Variants in BRK1 observed in about 807,000 individuals in gnomAD.
The protein encoded by BRK1 is BRICK1 subunit of SCAR/WAVE actin nucleating complex.
In BRK1, 6 loss-of-function variants were observed where a neutral mutation model predicts 9.9. That is an observed-to-expected ratio of 0.60 (90% CI 0.33 to 1.19). The LOEUF is 1.19. Ranked by LOEUF, BRK1 falls within the 50% of genes most tolerant of loss-of-function variation. The probability of loss-of-function intolerance (pLI) is 0.04; values close to 1 mark genes in which losing one functional copy is unlikely to be tolerated. For missense variants in BRK1, 62 were observed against 97.5 expected, an observed-to-expected ratio of 0.64 and a Z score of 1.53; for synonymous variants, 44 against 31.9, an observed-to-expected ratio of 1.38 and a Z score of -1.28.
intron 1 of BRK1, among the ~76,000 whole-genome samples, chr3:10,121,882 CTTTTTTTTTTT>C (rs911888155): frequency 6.1e-4 from 54 of 88,140 alleles, no homozygotes; most frequent in African/African-American, 2.3e-3. Context: ...CACCCGGCCA[CTTTTTTTTTTT>C]TTTTTTTTTT....
chr3:10,125,572 C>A, intron 1 of BRK1, 54 bp from the exon 2 acceptor site: 2 of 1,062,052 alleles, frequency 1.9e-6, no homozygotes, highest in South Asian at 2.7e-5. Context: ...TTGTGTGTGT[C>A]TGTGTCTGTG....
intron 1 of BRK1, among the ~76,000 whole-genome samples, chr3:10,118,998 T>A (rs1559418938): frequency 6.8e-6 from 1 of 146,982 alleles, no homozygotes; most frequent in African/African-American, 2.6e-5. Context: ...TCCTAATGGT[T>A]TTTTTTGTTT....
At chr3:10,122,265 G>A (rs965026511) in intron 1 of BRK1, among the ~76,000 whole-genome samples, 3 of 151,892 alleles carry the variant, frequency 2.0e-5, no homozygotes, top group African/African-American at 4.8e-5. Flanking sequence ...TCATTAATAC[G>A]CTATATCAAA....
At chr3:10,118,320 C>T (rs932494271) in intron 1 of BRK1, among the ~76,000 whole-genome samples, 19 of 151,270 alleles carry the variant, frequency 1.3e-4, no homozygotes, top group Middle Eastern at 3.4e-3. Flanking sequence ...CCACCGGCTG[C>T]GAAACTGGAT....
intron 2 of BRK1, 123 bp from the exon 3 acceptor site, chr3:10,126,146 C>A: frequency 1.5e-6 from 1 of 655,350 alleles, no homozygotes; most frequent in Non-Finnish European, 2.5e-6. Flanking sequence ...AACCATGTTT[C>A]TGTGACTTCA....
intron 1 of BRK1, among the ~76,000 whole-genome samples, chr3:10,124,992 C>A (rs1042851283): frequency 5.9e-5 from 9 of 152,118 alleles, no homozygotes; most frequent in South Asian, 2.1e-4. Context: ...AGATTGGGCC[C>A]AAATGGACAA....
chr3:10,118,252 C>CAAAA lies in BRK1; in HGVS notation c.118+2448_118+2451dup, dbSNP rs59622736. Among the ~76,000 whole-genome samples, 212 of 67,480 alleles carry CAAAA rather than the reference C, an allele frequency of 3.1e-3. 1 individual carries two copies. The highest frequency in any genetic ancestry group is 0.01 in the African/African-American group (197 of 19,186). The allele number at this position is 67,480 out of a possible 152,430, so 44.3% of individuals were successfully genotyped here. On this transcript the variant is annotated intron_variant, in intron 1 of 2. Coordinates refer to ENST00000530758, the MANE Select transcript of BRK1 (RefSeq NM_018462.5). ...TGGGCAAAAGACGAGACTCTGTCTC[C>CAAAA]AAAAAAAAAAAAAAAAAAGATTGAC...
intron 1 of BRK1, among the ~76,000 whole-genome samples, chr3:10,117,512 G>A (rs540085995): frequency 3.4e-5 from 5 of 146,312 alleles, no homozygotes; most frequent in South Asian, 2.2e-4. Context: ...TCATGCCCCC[G>A]CCTCCTGAGT....
Position 10,125,615 on chromosome 3 carries a change from CTT to C in BRK1, c.119-7_119-6del, listed in dbSNP as rs1356566830. 1.3e-6 allele frequency: 2 copies of C among 1,594,524 alleles called. No individual in the cohort carries two copies. The highest frequency in any genetic ancestry group is 2.2e-5 in the East Asian group (1 of 44,712). ...TGACATTAATCCTGAACACCAGTCT[CTT>C]TTTCTCAGATATGTCTTGTCGTTCA... is the stretch of plus-strand genomic sequence containing the variant. On this transcript the variant is annotated splice_polypyrimidine_tract_variant and intron_variant, in intron 1 of 2. Coordinates refer to ENST00000530758, the MANE Select transcript of BRK1 (RefSeq NM_018462.5).
At chr3:10,120,085 A>G (rs1448542659) in intron 1 of BRK1, among the ~76,000 whole-genome samples, 2 of 152,122 alleles carry the variant, frequency 1.3e-5, no homozygotes, top group East Asian at 3.9e-4. Context: ...GCTGGAGTGC[A>G]GTGGTGCAAT....
At position 10,119,213 on chromosome 3, in the gene BRK1, T is replaced by A. The variant is rs374687933; in HGVS notation, c.118+3394T>A. Among the ~76,000 whole-genome samples, 5 of 151,720 alleles carry A rather than the reference T, an allele frequency of 3.3e-5. No individual in the cohort carries two copies. In the South Asian group the frequency reaches 8.3e-4, roughly 25 times the overall value. On this transcript the variant is annotated intron_variant, in intron 1 of 2. Coordinates refer to ENST00000530758, the MANE Select transcript of BRK1 (RefSeq NM_018462.5). ...GGCTCATGCCTATAATCCCAGCACTTTGGGAGGCCGAGGCAGGTGAATCAC... is the reference window on the plus strand; with the variant it reads ...GGCTCATGCCTATAATCCCAGCACTATGGGAGGCCGAGGCAGGTGAATCAC...
chr3:10,119,320 G>A (rs1695727510), intron 1 of BRK1, among the ~76,000 whole-genome samples: 1 of 151,986 alleles, frequency 6.6e-6, no homozygotes, highest in Non-Finnish European at 1.5e-5. Context: ...AGCCAGGCAT[G>A]GTGTCTCATG....
chr3:10,125,645 A>G lies in BRK1; in HGVS notation c.138A>G (p.Arg46=). 27 of 1,612,166 alleles carry G rather than the reference A, an allele frequency of 1.7e-5. No individual in the cohort carries two copies. The highest frequency in any genetic ancestry group is 2.3e-5 in the Non-Finnish European group (27 of 1,179,006). Residue 46 remains arginine (R), a synonymous_variant, in exon 2 of 3, where the codon AGA becomes AGG. Coordinates refer to ENST00000530758, the MANE Select transcript of BRK1 (RefSeq NM_018462.5). ...TCTCAGATATGTCTTGTCGTTCAAG[A>G]CTTGCAACACTAAACGAGAAATTGA... ...LNSFDMSCRS[R]LATLNEKLTA...
rs1695848417 is a variant in BRK1, at chr3:10,126,866, C to A, written c.*571C>A. 1 of 152,960 alleles carries A rather than the reference C, an allele frequency of 6.5e-6. No homozygotes were observed. The highest frequency in any genetic ancestry group is 2.4e-5 in the African/African-American group (1 of 41,472). 9.5% of individuals were successfully genotyped at this position (152,960 alleles called of 1,614,324 possible). A position where few individuals can be genotyped will look rare whatever the true frequency, so the allele number is the denominator to read the frequency against. ...GACATTTTCAGACTTTTCTTTCTGT[C>A]ACTTGGAGTGTCTATGCCTCTCATA... On this transcript the variant is annotated 3_prime_UTR_variant, in exon 3 of 3. Coordinates refer to ENST00000530758, the MANE Select transcript of BRK1 (RefSeq NM_018462.5).
intron 1 of BRK1, among the ~76,000 whole-genome samples, chr3:10,121,845 T>C (rs1695759786): frequency 6.6e-6 from 1 of 150,776 alleles, no homozygotes; most frequent in African/African-American, 2.4e-5. Flanking sequence ...CTTCCCAAAG[T>C]GCTGGGATTA....
intron 2 of BRK1, 127 bp downstream of exon 2, chr3:10,125,835 A>G: frequency 1.5e-6 from 1 of 658,126 alleles, no homozygotes. Flanking sequence ...TCACGCCTGT[A>G]ATCCCAGCAC....
chr3:10,126,424 C>A lies in BRK1; in HGVS notation c.*129C>A. ...GGGCTTATTCTTGTTTTTCTTTTTTCAAAAGTGTGGCCTTTGGGCTCTGCC... is the reference window on the plus strand; with the variant it reads ...GGGCTTATTCTTGTTTTTCTTTTTTAAAAAGTGTGGCCTTTGGGCTCTGCC... On this transcript the variant is annotated 3_prime_UTR_variant, in exon 3 of 3. Transcript: ENST00000530758. 1.1e-6 allele frequency: 1 copy of A among 884,934 alleles called. No homozygotes were observed. Among genetic ancestry groups the A allele is most frequent in the African/African-American group, 1.7e-5 (1 of 58,794 alleles). The allele number at this position is 884,934 out of a possible 1,614,324, so 54.8% of individuals were successfully genotyped here.
rs551149601 is a variant in BRK1, at chr3:10,116,504, A to G, written c.118+685A>G. ...GGTCGGGTGCCTTCAGCAGAAAGAT[A>G]TCTTTACCAGAATCTTTCCTAGGCA... is the stretch of plus-strand genomic sequence containing the variant. On this transcript the variant is annotated intron_variant, in intron 1 of 2. Coordinates refer to ENST00000530758, the MANE Select transcript of BRK1 (RefSeq NM_018462.5). Among the ~76,000 whole-genome samples the G allele has an allele frequency of 4.2e-4, 64 of 152,290 alleles. 2 individuals are homozygous for G. In the South Asian group the frequency reaches 9.1e-3, roughly 22 times the overall value.
chr3:10,117,736 C>T (rs1695706325), intron 1 of BRK1, among the ~76,000 whole-genome samples: 1 of 152,034 alleles, frequency 6.6e-6, no homozygotes, highest in African/African-American at 2.4e-5. Context: ...ATACAGAAGT[C>T]CAGTCTTTTG....
Sources: gnomAD v4.1 joint callset for allele counts (sites outside exome capture counted in the v4.1 genomes callset) on GRCh38, gnomAD v4.1.1 for gene constraint, MANE v1.5 for transcripts, NCBI Gene and HGNC (gene_info 2026-07-23, HGNC 2026-07-21) for gene names.